The following NSMCE2 variants were observed in gnomAD, a reference collection of about 807,000 sequenced individuals.
The protein encoded by NSMCE2 is E3 SUMO-protein ligase NSE2.
In NSMCE2, 24 loss-of-function variants were observed where a neutral mutation model predicts 23.8. That is an observed-to-expected ratio of 1.01 (90% CI 0.73 to 1.42). The LOEUF (loss-of-function observed/expected upper bound fraction) is 1.42, where lower values mean the gene tolerates loss of function less well. NSMCE2 is among the 40% of genes most tolerant of loss of function. The pLI is 0.00. For missense variants in NSMCE2, 284 were observed against 296.5 expected (o/e 0.96, Z 0.31); for synonymous variants, 92 against 94.1 (o/e 0.98, Z 0.13).
chr8:125,130,406 C>T, intron 3 of NSMCE2: 1 of 371,826 alleles, frequency 2.7e-6, no homozygotes, highest in Non-Finnish European at 5.5e-6. Context: ...AAGCAAGTAG[C>T]TCGCTGTATC....
chr8:125,267,858 C>T (rs2131074135), intron 5 of NSMCE2, among the ~76,000 whole-genome samples: 1 of 152,226 alleles, frequency 6.6e-6, no homozygotes, highest in East Asian at 1.9e-4. Context: ...TCATCAAACT[C>T]ATTTTTCAAA....
intron 5 of NSMCE2, among the ~76,000 whole-genome samples, chr8:125,221,011 C>A (rs898068608): frequency 3.9e-5 from 6 of 152,278 alleles, no homozygotes; most frequent in African/African-American, 1.4e-4. Flanking sequence ...TACTATCACC[C>A]TTCCTCAGAG....
chr8:125,130,068 A>G (rs948259592), intron 3 of NSMCE2: 8 of 317,696 alleles, frequency 2.5e-5, no homozygotes, highest in Non-Finnish European at 5.1e-5. Context: ...TTTAATCATC[A>G]TCTTCGTAGA....
chr8:125,214,691 A>C (rs1824499662), intron 5 of NSMCE2, among the ~76,000 whole-genome samples: 1 of 152,078 alleles, frequency 6.6e-6, no homozygotes, highest in South Asian at 2.1e-4. Flanking sequence ...TCCTATTTTT[A>C]ATATTGTACA....
chr8:125,343,933 G>T (rs552096997), intron 5 of NSMCE2, among the ~76,000 whole-genome samples: 1 of 152,336 alleles, frequency 6.6e-6, no homozygotes, highest in African/African-American at 2.4e-5. Context: ...ATGAACCTGG[G>T]AGGCAGAGCT....
chr8:125,150,426 C>CTTTTTTTTTTTTTTTTTTTTTTTT (rs71295819), intron 3 of NSMCE2, among the ~76,000 whole-genome samples: 6 of 61,850 alleles, frequency 9.7e-5, no homozygotes, highest in Non-Finnish European at 1.4e-4. Context: ...TTCTTTCTTT[C>CTTTTTTTTTTTTTTTTTTTTTTTT]TTTTTTTTTT....
intron 5 of NSMCE2, among the ~76,000 whole-genome samples, chr8:125,284,499 C>G (rs1406187941): frequency 6.6e-6 from 1 of 152,204 alleles, no homozygotes; most frequent in Non-Finnish European, 1.5e-5. Flanking sequence ...TGTTCAACTG[C>G]TGACCTTTCC....
intron 5 of NSMCE2, among the ~76,000 whole-genome samples, chr8:125,257,262 C>T (rs1030712866): frequency 6.7e-6 from 1 of 148,190 alleles, no homozygotes; most frequent in Non-Finnish European, 1.5e-5. Flanking sequence ...CCAACCTAGG[C>T]GACAGAGCAA....
At chr8:125,320,184 A>G (rs1380555757) in intron 5 of NSMCE2, among the ~76,000 whole-genome samples, 2 of 142,012 alleles carry the variant, frequency 1.4e-5, no homozygotes, top group Non-Finnish European at 3.1e-5. Context: ...TCAAAAAAAA[A>G]AGAGAGAGAG....
chr8:125,105,820 A>AT (rs1327163141), intron 3 of NSMCE2, among the ~76,000 whole-genome samples: 1 of 152,188 alleles, frequency 6.6e-6, no homozygotes, highest in African/African-American at 2.4e-5. Flanking sequence ...GCAGATTGTC[A>AT]TTAAGTAATT....
chr8:125,228,889 A>G (rs1256945060), intron 5 of NSMCE2, among the ~76,000 whole-genome samples: 1 of 152,210 alleles, frequency 6.6e-6, no homozygotes, highest in African/African-American at 2.4e-5. Flanking sequence ...AGAAACTCAG[A>G]AAGCCTGAGT....
intron 5 of NSMCE2, among the ~76,000 whole-genome samples, chr8:125,304,936 AAAGG>A (rs201027278): frequency 0.021 from 2,895 of 141,020 alleles, 56 homozygotes; most frequent in Middle Eastern, 0.043. Flanking sequence ...AGAAGGAAAG[AAAGG>A]AAGGAAGGAA....
intron 5 of NSMCE2, among the ~76,000 whole-genome samples, chr8:125,204,371 G>A (rs1404758297): frequency 6.6e-6 from 1 of 152,114 alleles, no homozygotes; most frequent in Non-Finnish European, 1.5e-5. Flanking sequence ...CCTTATAGAA[G>A]GTACTTCCTT....
intron 5 of NSMCE2, among the ~76,000 whole-genome samples, chr8:125,200,874 ACT>A (rs988963095): frequency 6.7e-6 from 1 of 150,238 alleles, no homozygotes; most frequent in Admixed American, 6.6e-5. Context: ...GTTTCTTTTT[ACT>A]CTTTTTTCTC....
chr8:125,224,326 C>T (rs1825001406), intron 5 of NSMCE2, among the ~76,000 whole-genome samples: 1 of 152,224 alleles, frequency 6.6e-6, no homozygotes, highest in Middle Eastern at 3.4e-3. Context: ...ATCCATTTGT[C>T]TATTTTTTTT....
chr8:125,210,365 T>C (rs929859045), intron 5 of NSMCE2, among the ~76,000 whole-genome samples: 3 of 152,242 alleles, frequency 2.0e-5, no homozygotes, highest in Admixed American at 6.5e-5. Context: ...AATTCTTCCT[T>C]TACTCTCCTA....
intron 1 of NSMCE2, among the ~76,000 whole-genome samples, chr8:125,100,344 G>A (rs1281825078): frequency 6.6e-6 from 1 of 152,070 alleles, no homozygotes; most frequent in Admixed American, 6.5e-5. Context: ...TTGCCTGAAT[G>A]CCCTTCTCCA....
intron 3 of NSMCE2, among the ~76,000 whole-genome samples, chr8:125,146,601 A>G (rs1350227895): frequency 2.0e-5 from 3 of 152,212 alleles, no homozygotes; most frequent in Non-Finnish European, 4.4e-5. Flanking sequence ...TTGTAGGGAC[A>G]TGGATGAAGC....
At chr8:125,103,991 CTTT>C (rs72031823) in intron 3 of NSMCE2, among the ~76,000 whole-genome samples, 2 of 118,304 alleles carry the variant, frequency 1.7e-5, no homozygotes, top group African/African-American at 3.1e-5. Context: ...ATTTTGTTGT[CTTT>C]TTTTTTTTTT....
Sources: gnomAD v4.1 joint callset for allele counts (sites outside exome capture counted in the v4.1 genomes callset) on GRCh38, gnomAD v4.1.1 for gene constraint, MANE v1.5 for transcripts, NCBI Gene and HGNC (gene_info 2026-07-23, HGNC 2026-07-21) for gene names.